PITPNM2: variants seen among roughly 807,000 people sequenced by gnomAD.
The protein encoded by PITPNM2 is phosphatidylinositol transfer protein membrane associated 2, also known as membrane-associated phosphatidylinositol transfer protein 2.
Under a neutral mutation model 132.2 loss-of-function variants are expected in PITPNM2, and 35 were observed. The ratio of observed to expected loss-of-function variants is 0.26; its 90% CI spans 0.20 to 0.35. PITPNM2 has a LOEUF of 0.35. Among genes scored for constraint, PITPNM2 ranks in the 10% least tolerant of loss-of-function variants. The pLI is 1.00. For missense variants in PITPNM2, 1,332 were observed against 1,912.0 expected, an observed-to-expected ratio of 0.70 and a Z score of 5.66; for synonymous variants, 738 against 799.2, an observed-to-expected ratio of 0.92 and a Z score of 1.29.
intron 2 of PITPNM2, among the ~76,000 whole-genome samples, chr12:123,046,418 T>C (rs1303899391): frequency 2.0e-5 from 3 of 152,206 alleles, no homozygotes; most frequent in Non-Finnish European, 2.9e-5. Context: ...GTTAGATGTA[T>C]TGTCCCCACT....
intron 2 of PITPNM2, among the ~76,000 whole-genome samples, chr12:123,052,082 T>C: frequency 6.8e-6 from 1 of 147,090 alleles, no homozygotes. Flanking sequence ...TTATTGTTTT[T>C]TTTTTTTTTT....
rs1251156778 is a variant in PITPNM2 at position 122,988,348 on chromosome 12, G to A, written c.2883C>T (p.Val961=). The A allele has an allele frequency of 1.2e-6, 2 of 1,613,028 alleles. No homozygotes were observed. Among genetic ancestry groups the A allele is most frequent in the Non-Finnish European group, 1.7e-6 (2 of 1,179,768 alleles). Residue 961 remains valine, a splice_region_variant and synonymous_variant, in exon 20 of 26, where the codon GTC becomes GTT. Transcript: ENST00000320201. ...TDVVSFLLRQ[V]MRHDNSSILE... ...AGATGCTGGAGTTGTCATGCCTCATGACCTGGGAAGAGGGGACAGTGCAGG... is the reference window on the plus strand; with the variant it reads ...AGATGCTGGAGTTGTCATGCCTCATAACCTGGGAAGAGGGGACAGTGCAGG...
chr12:123,100,698 G>T (rs2042543883), intron 2 of PITPNM2, among the ~76,000 whole-genome samples: 1 of 151,916 alleles, frequency 6.6e-6, no homozygotes, highest in Non-Finnish European at 1.5e-5. Context: ...ATGATGCTGA[G>T]TGAAAGAAGC....
intron 10 of PITPNM2, among the ~76,000 whole-genome samples, chr12:122,998,617 G>A (rs919314366): frequency 4.6e-5 from 7 of 152,196 alleles, no homozygotes; most frequent in Non-Finnish European, 8.8e-5. Flanking sequence ...TCTGGGGTGT[G>A]GGGGCAGGGA....
At chr12:123,032,237 G>A (rs1163045056) in intron 3 of PITPNM2, among the ~76,000 whole-genome samples, 1 of 152,212 alleles carries the variant, frequency 6.6e-6, no homozygotes, top group African/African-American at 2.4e-5. Context: ...CCAGCACTTT[G>A]GGAGGCCAAG....
intron 2 of PITPNM2, chr12:123,092,851 G>A (rs2042306624): frequency 6.6e-6 from 1 of 152,240 alleles, no homozygotes; most frequent in Non-Finnish European, 1.5e-5. Context: ...TCTCCCCCGA[G>A]CCCCTGGAGC....
Position 122,993,889 on chromosome 12 carries a change from T to G in PITPNM2, c.2233+912A>C, listed in dbSNP as rs1324502837. On this transcript the variant is annotated intron_variant, in intron 15 of 25. Transcript: ENST00000320201. This position sits in a 1 kb window ranked among gnomAD's most constrained non-coding sequence, Gnocchi z 5.2. Reference sequence around the variant, plus strand: ...TCTGCATTTTTTTTTTTCTTTTTTTTTGAGACTGAGTTTCGCTTTTGTTGC... The same window carrying G: ...TCTGCATTTTTTTTTTTCTTTTTTTGTGAGACTGAGTTTCGCTTTTGTTGC... Among the ~76,000 whole-genome samples the G allele has an allele frequency of 1.3e-5, 2 of 152,194 alleles. No homozygotes were observed. The highest frequency in any genetic ancestry group is 1.5e-5 in the Non-Finnish European group (1 of 68,036).
Position 123,082,926 on chromosome 12 carries a change from T to A in PITPNM2, c.-96+27459A>T, listed in dbSNP as rs1301814118. 6.6e-6 allele frequency: 1 copy of A among 152,356 alleles called. No individual in the cohort carries two copies. The highest frequency in any genetic ancestry group is 6.5e-5 in the Admixed American group (1 of 15,294). The allele number at this position is 152,356 out of a possible 1,614,324, so 9.4% of individuals were successfully genotyped here. A position where few individuals can be genotyped will look rare whatever the true frequency, so the allele number is the denominator to read the frequency against. The stretch of plus-strand genomic sequence containing the variant: ...TGTTCTACTGTCTGTCGCTGTGCAT[T>A]TGACAACTCTAGGGACCTCATCATA... On this transcript the variant is annotated intron_variant, in intron 2 of 25. Coordinates refer to ENST00000320201, the MANE Select transcript of PITPNM2 (RefSeq NM_020845.3). The surrounding 1 kb of genome is among the most constrained non-coding windows in gnomAD (Gnocchi z 5.4).
intron 1 of PITPNM2, among the ~76,000 whole-genome samples, chr12:123,112,430 C>T (rs1011582376): frequency 6.6e-6 from 1 of 152,130 alleles, no homozygotes. Context: ...TAGTCACAGT[C>T]CTGGAGGGGA....
Position 123,071,703 on chromosome 12 carries a change from G to A in PITPNM2, c.-95-37018C>T, listed in dbSNP as rs537211757. Among the ~76,000 whole-genome samples, 5 of 152,374 alleles carry A rather than the reference G, an allele frequency of 3.3e-5. No homozygotes were observed. In the East Asian group the frequency reaches 9.6e-4, roughly 29 times the overall value. ...GATCATCCGCTTCACACGCTCCTGC[G>A]ACGAGGCAGGCAAGAAGCACAGAAT... On this transcript the variant is annotated intron_variant, in intron 2 of 25. Coordinates refer to ENST00000320201, the MANE Select transcript of PITPNM2 (RefSeq NM_020845.3).
Position 123,058,858 on chromosome 12 carries a change from C to T in PITPNM2, c.-95-24173G>A, listed in dbSNP as rs1390891088. ...TAAGAATCAGCTTACACAGCACTCACTCTGAGAAGCCCTCCGAGACTACTC... is the reference window on the plus strand; with the variant it reads ...TAAGAATCAGCTTACACAGCACTCATTCTGAGAAGCCCTCCGAGACTACTC... On this transcript the variant is annotated intron_variant, in intron 2 of 25. Transcript: ENST00000320201. This position sits in a 1 kb window ranked among gnomAD's most constrained non-coding sequence, Gnocchi z 4.0. Among the ~76,000 whole-genome samples the T allele has an allele frequency of 1.3e-5, 2 of 152,194 alleles. No individual in the cohort carries two copies. The highest frequency in any genetic ancestry group is 4.8e-5 in the African/African-American group (2 of 41,448).
At chr12:123,063,611 G>A (rs1592984520) in intron 2 of PITPNM2, among the ~76,000 whole-genome samples, 1 of 152,148 alleles carries the variant, frequency 6.6e-6, no homozygotes, top group Admixed American at 6.5e-5. Flanking sequence ...CCTACACCAG[G>A]GCTCTCTGGT....
rs1592963046 is a variant in PITPNM2, at chr12:123,036,180, C to T, written c.-95-1495G>A. On this transcript the variant is annotated intron_variant, in intron 2 of 25. Coordinates refer to ENST00000320201, the MANE Select transcript of PITPNM2 (RefSeq NM_020845.3). The surrounding 1 kb of genome is among the most constrained non-coding windows in gnomAD (Gnocchi z 4.1). ...CTCTCTATCGGGCATTGGAGTATCA[C>T]CCAGGTGCTAAAGCATTACTGGGTA... 6.6e-6 allele frequency among the ~76,000 whole-genome samples: 1 copy of T among 152,188 alleles called. No individual in the cohort carries two copies. The highest frequency in any genetic ancestry group is 2.1e-4 in the South Asian group (1 of 4,834).
intron 6 of PITPNM2, among the ~76,000 whole-genome samples, chr12:123,007,158 C>T (rs1592937100): frequency 6.6e-6 from 1 of 152,252 alleles, no homozygotes; most frequent in East Asian, 1.9e-4. Flanking sequence ...ATGGCTGTTG[C>T]TGAATTCCGC....
intron 2 of PITPNM2, among the ~76,000 whole-genome samples, chr12:123,049,775 T>A (rs1473718609): frequency 2.0e-5 from 3 of 152,170 alleles, no homozygotes; most frequent in Admixed American, 2.0e-4. Flanking sequence ...CAGTAGATAA[T>A]CCTAGAATGG....
At chr12:123,137,744 T>C (rs2043412156) in intron 1 of PITPNM2, among the ~76,000 whole-genome samples, 1 of 151,714 alleles carries the variant, frequency 6.6e-6, no homozygotes, top group African/African-American at 2.4e-5. Flanking sequence ...AATACAAAAA[T>C]TAGCGGGACG....
At chr12:123,127,886 G>GTT in intron 1 of PITPNM2, among the ~76,000 whole-genome samples, 1 of 152,096 alleles carries the variant, frequency 6.6e-6, no homozygotes, top group East Asian at 1.9e-4. Context: ...TGGGATTACA[G>GTT]GCATGAGCCA....
intron 20 of PITPNM2, 48 bp downstream of exon 20, chr12:122,988,186 G>C: frequency 6.8e-7 from 1 of 1,481,202 alleles, no homozygotes; most frequent in Non-Finnish European, 9.4e-7. Flanking sequence ...CACGGAGGCT[G>C]GTGACAGGGT....
upstream of PITPNM2, among the ~76,000 whole-genome samples, chr12:123,151,312 AGGGCCCGGGACTGGACTCG>A (rs2043746416): frequency 6.6e-6 from 1 of 150,748 alleles, no homozygotes; most frequent in Non-Finnish European, 1.5e-5. Context: ...CCGTGTCCTC[AGGGCCCGGGACTGGACTCG>A]GGGGCGGCGG....
Sources: allele counts gnomAD v4.1 joint callset (sites outside exome capture counted in the v4.1 genomes callset), GRCh38; gene constraint gnomAD v4.1.1; non-coding constraint Gnocchi (gnomAD v3.1); transcripts MANE v1.5; gene names NCBI Gene and HGNC (gene_info 2026-07-23, HGNC 2026-07-21).